Variants in CTNNA3 observed in about 807,000 individuals in gnomAD.
CTNNA3 encodes catenin alpha-3.
A neutral mutation model predicts 95.7 loss-of-function variants in CTNNA3; 76 were observed. The observed-to-expected ratio is 0.79, with a 90% CI of 0.66 to 0.96. The LOEUF (loss-of-function observed/expected upper bound fraction) is 0.96, where lower values mean the gene tolerates loss of function less well. Among genes scored for constraint, CTNNA3 ranks in the 40% least tolerant of loss-of-function variants. CTNNA3 has a pLI of 0.00. For missense variants in CTNNA3, 1,191 were observed against 1,089.8 expected, an observed-to-expected ratio of 1.09 and a Z score of -1.31; for synonymous variants, 431 against 374.4, an observed-to-expected ratio of 1.15 and a Z score of -1.74.
At chr10:67,692,299 G>A (rs1309288922) in intron 1 of CTNNA3, among the ~76,000 whole-genome samples, 1 of 148,554 alleles carries the variant, frequency 6.7e-6, no homozygotes, top group East Asian at 2.0e-4. Flanking sequence ...GAATAGAAAG[G>A]GGGGAAAGGT....
chr10:67,291,699 TCA>T (rs1288810873), intron 5 of CTNNA3, among the ~76,000 whole-genome samples: 1 of 152,090 alleles, frequency 6.6e-6, no homozygotes, highest in Non-Finnish European at 1.5e-5. Context: ...ACACCGCCAC[TCA>T]CACACAAAAA....
In CTNNA3 at chr10:66,994,895, C is replaced by G. The variant is rs716547; in HGVS notation, c.1047+185422G>C. Among the ~76,000 whole-genome samples, 3 of 152,022 alleles carry G rather than the reference C, an allele frequency of 2.0e-5. No individual in the cohort carries two copies. The South Asian group carries it at 6.2e-4, about 31-fold the overall frequency. On this transcript the variant is annotated intron_variant, in intron 7 of 17. Coordinates refer to ENST00000433211, the MANE Select transcript of CTNNA3 (RefSeq NM_013266.4). ...CAATATGAAATGTAAAACTAGGAAA[C>G]CCAAATGCAACAAGTGGAAAACATG...
chr10:66,170,239 G>GTCTTTTTTTT (rs2085346005), intron 13 of CTNNA3, among the ~76,000 whole-genome samples: 1 of 67,632 alleles, frequency 1.5e-5, no homozygotes, highest in Non-Finnish European at 2.9e-5. Flanking sequence ...CCTCCTCATT[G>GTCTTTTTTTT]TCTTTTTTTT....
intron 5 of CTNNA3, among the ~76,000 whole-genome samples, chr10:67,309,127 T>C (rs1329271745): frequency 6.6e-6 from 1 of 152,180 alleles, no homozygotes; most frequent in Non-Finnish European, 1.5e-5. Context: ...CTTCTTATTG[T>C]CTTTTTATGC....
chr10:66,601,186 G>A (rs756213816), intron 10 of CTNNA3, among the ~76,000 whole-genome samples: 22 of 151,580 alleles, frequency 1.5e-4, no homozygotes, highest in Admixed American at 5.9e-4. Flanking sequence ...CTTACCAAAC[G>A]CACAACCATA....
intron 7 of CTNNA3, among the ~76,000 whole-genome samples, chr10:67,011,968 C>A (rs1050108329): frequency 2.6e-5 from 4 of 152,156 alleles, no homozygotes; most frequent in Admixed American, 2.6e-4. Context: ...TTTTGACCAA[C>A]ATTACCTCCT....
At chr10:66,062,500 T>C (rs1288326824) in intron 15 of CTNNA3, among the ~76,000 whole-genome samples, 2 of 152,118 alleles carry the variant, frequency 1.3e-5, no homozygotes, top group South Asian at 2.1e-4. Flanking sequence ...AGGAATAGCC[T>C]ATATATAAAA....
chr10:67,749,913 C>T lies in CTNNA3; in HGVS notation c.-2+13521G>A, dbSNP rs12412245. 0.043 allele frequency among the ~76,000 whole-genome samples: 6,505 copies of T among 152,074 alleles called. 630 individuals are homozygous for T. In the East Asian group the frequency reaches 0.44, roughly 10 times the overall value. On this transcript the variant is annotated intron_variant, in intron 1 of 17. Transcript: ENST00000684154. Reference sequence around the variant, plus strand: ...AAAAAAATTAATAAAATAGATAGACCGTGGGCAACCCGCTTGGGTCCCCTT... The same window carrying T: ...AAAAAAATTAATAAAATAGATAGACTGTGGGCAACCCGCTTGGGTCCCCTT...
intron 11 of CTNNA3, among the ~76,000 whole-genome samples, chr10:66,491,868 G>T (rs12258566): frequency 0.02 from 2,984 of 152,220 alleles, 111 homozygotes; most frequent in African/African-American, 0.069. Flanking sequence ...ACCATTAGTG[G>T]CCATGATATC....
At chr10:67,439,723 T>C (rs1846428801) in intron 5 of CTNNA3, among the ~76,000 whole-genome samples, 1 of 152,102 alleles carries the variant, frequency 6.6e-6, no homozygotes, top group African/African-American at 2.4e-5. Flanking sequence ...CAACACACCC[T>C]GGGAACCTGC....
chr10:67,370,312 T>G (rs1843376403), intron 5 of CTNNA3, among the ~76,000 whole-genome samples: 1 of 152,290 alleles, frequency 6.6e-6, no homozygotes, highest in Admixed American at 6.5e-5. Flanking sequence ...CATCAATTCA[T>G]TTTGATATAT....
At chr10:66,445,049 C>A (rs1589260534) in intron 11 of CTNNA3, among the ~76,000 whole-genome samples, 1 of 151,922 alleles carries the variant, frequency 6.6e-6, no homozygotes, top group African/African-American at 2.4e-5. Flanking sequence ...ACAGACTAAA[C>A]CAACAAAGAT....
At chr10:67,150,136 A>T (rs556278412) in intron 7 of CTNNA3, among the ~76,000 whole-genome samples, 47 of 152,300 alleles carry the variant, frequency 3.1e-4, no homozygotes, top group Non-Finnish European at 7.4e-5. Flanking sequence ...ATGTTACTTA[A>T]TCTAAGGATA....
rs1231141565 is a variant in CTNNA3, at chr10:66,236,054, G to A, written c.1884+44416C>T. On this transcript the variant is annotated intron_variant, in intron 13 of 17. Coordinates refer to ENST00000433211, the MANE Select transcript of CTNNA3 (RefSeq NM_013266.4). ...AAGGAAATTTTAAGTCTCTCCCCTT[G>A]GGTTGTTTGTAGTCTCATTGAGAAG... 2.0e-5 allele frequency among the ~76,000 whole-genome samples: 3 copies of A among 151,988 alleles called. No homozygotes were observed. The South Asian group carries it at 6.2e-4, about 32-fold the overall frequency.
rs961512867 is a variant in CTNNA3, at chr10:66,085,149, AAG to A, written c.1978-15662_1978-15661del. On this transcript the variant is annotated intron_variant, in intron 14 of 17. Coordinates refer to ENST00000433211, the MANE Select transcript of CTNNA3 (RefSeq NM_013266.4). ...TTAGAATATTTCAAAATGATAAAAA[AAG>A]AGAGTTTAAAAGATTTGTAGAAGAA... 7.9e-5 allele frequency: 12 copies of A among 152,320 alleles called. No homozygotes were observed. The East Asian group carries it at 2.1e-3, about 27-fold the overall frequency. 9.4% of individuals were successfully genotyped at this position (152,320 alleles called of 1,614,324 possible).
chr10:67,131,657 A>G (rs1263574890), intron 7 of CTNNA3, among the ~76,000 whole-genome samples: 1 of 152,038 alleles, frequency 6.6e-6, no homozygotes, highest in East Asian at 1.9e-4. Context: ...ATCAGCACCT[A>G]GAAGAGGATT....
chr10:66,269,859 G>C (rs1261881245), intron 13 of CTNNA3, among the ~76,000 whole-genome samples: 1 of 152,078 alleles, frequency 6.6e-6, no homozygotes, highest in African/African-American at 2.4e-5. Flanking sequence ...GTGAAATGAA[G>C]AACTTTTAAA....
intron 4 of CTNNA3, among the ~76,000 whole-genome samples, chr10:67,528,342 A>G (rs906554473): frequency 6.6e-6 from 1 of 152,054 alleles, no homozygotes; most frequent in Admixed American, 6.6e-5. Flanking sequence ...AAATTCTTTC[A>G]TGGTTTCCCC....
chr10:67,229,770 G>C (rs188875456), intron 5 of CTNNA3, among the ~76,000 whole-genome samples: 139 of 152,180 alleles, frequency 9.1e-4, no homozygotes, highest in African/African-American at 3.2e-3. Flanking sequence ...CCTAACAAAG[G>C]AGTCGAAAGA....
Sources: allele counts gnomAD v4.1 joint callset (sites outside exome capture counted in the v4.1 genomes callset), GRCh38; gene constraint gnomAD v4.1.1; transcripts MANE v1.5; gene names NCBI Gene and HGNC (gene_info 2026-07-23, HGNC 2026-07-21).